RFX3: variants seen among roughly 807,000 people sequenced by gnomAD.
The protein encoded by RFX3 is transcription factor RFX3.
Under a neutral mutation model 98.6 loss-of-function variants are expected in RFX3, and 14 were observed. The observed-to-expected ratio is 0.14, with a 90% CI of 0.09 to 0.22. The LOEUF (loss-of-function observed/expected upper bound fraction) is 0.22. Among genes scored for constraint, RFX3 ranks in the 10% least tolerant of loss-of-function variants. The probability of loss-of-function intolerance (pLI) is 1.00; values close to 1 mark genes in which losing one functional copy is unlikely to be tolerated. For missense variants in RFX3, 639 were observed against 926.9 expected (o/e 0.69, Z 4.03); for synonymous variants, 383 against 328.4 (o/e 1.17, Z -1.80).
chr9:3,232,070 G>GCAAA (rs1818544870), intron 15 of RFX3, among the ~76,000 whole-genome samples: 1 of 105,748 alleles, frequency 9.5e-6, no homozygotes, highest in South Asian at 2.9e-4. Context: ...AAGCAAGCAA[G>GCAAA]CAAACAAACA....
chr9:3,337,944 A>G (rs1266395460), intron 3 of RFX3, among the ~76,000 whole-genome samples: 1 of 152,218 alleles, frequency 6.6e-6, no homozygotes. Flanking sequence ...GTGCATATAT[A>G]TATGTAAAAT....
chr9:3,301,695 G>T, intron 4 of RFX3, 75 bp from the exon 5 acceptor site: 2 of 1,083,434 alleles, frequency 1.8e-6, no homozygotes, highest in South Asian at 1.5e-5. Flanking sequence ...ATTTCTGATA[G>T]ATTCTTTAAA....
intron 9 of RFX3, among the ~76,000 whole-genome samples, chr9:3,272,639 A>G (rs1824649478): frequency 6.6e-6 from 1 of 152,152 alleles, no homozygotes; most frequent in Non-Finnish European, 1.5e-5. Context: ...TGCTTTCTCA[A>G]TTGTAGCTTA....
chr9:3,334,655 A>G (rs547440729), intron 3 of RFX3, among the ~76,000 whole-genome samples: 3 of 152,304 alleles, frequency 2.0e-5, no homozygotes, highest in African/African-American at 7.2e-5. Context: ...GCTACTCTAT[A>G]AACACACACT....
chr9:3,496,272 T>C (rs963297330), intron 1 of RFX3, among the ~76,000 whole-genome samples: 5 of 152,142 alleles, frequency 3.3e-5, no homozygotes, highest in African/African-American at 1.2e-4. Context: ...AAGTATTTCA[T>C]CTCTTAGTGC....
intron 15 of RFX3, among the ~76,000 whole-genome samples, chr9:3,236,642 G>A (rs1397549151): frequency 1.3e-5 from 2 of 152,156 alleles, no homozygotes; most frequent in African/African-American, 2.4e-5. Flanking sequence ...GTTATCAGAT[G>A]GCGGAAGTGA....
intron 9 of RFX3, among the ~76,000 whole-genome samples, chr9:3,273,635 G>T (rs1345235209): frequency 3.3e-5 from 5 of 152,040 alleles, no homozygotes; most frequent in African/African-American, 1.2e-4. Flanking sequence ...AGGCTGAAGC[G>T]GGTGGATCAC....
Position 3,481,486 on chromosome 9 carries a change from TA to T in RFX3, c.-9+44260del, listed in dbSNP as rs904463244. Among the ~76,000 whole-genome samples, 180 of 149,062 alleles carry T rather than the reference TA, an allele frequency of 1.2e-3. 1 individual carries two copies. The highest frequency in any genetic ancestry group is 4.9e-3 in the Admixed American group (74 of 14,986). On this transcript the variant is annotated intron_variant, in intron 1 of 16. Coordinates refer to ENST00000617270, the MANE Select transcript of RFX3 (RefSeq NM_001282116.2). ...TTTCCCATCTGAAAAGTACATTTTT[TA>T]AAAAAAAAAATCTAATATTTAACCT...
chr9:3,366,808 T>C (rs990532861), intron 2 of RFX3, among the ~76,000 whole-genome samples: 7 of 151,192 alleles, frequency 4.6e-5, no homozygotes, highest in Non-Finnish European at 8.8e-5. Context: ...TTGGATTGCA[T>C]TGAAATCATG....
chr9:3,252,604 T>A (rs554712223), intron 14 of RFX3, among the ~76,000 whole-genome samples: 1 of 152,118 alleles, frequency 6.6e-6, no homozygotes. Context: ...GCTAATGTGG[T>A]AGGAAGGCAG....
intron 2 of RFX3, among the ~76,000 whole-genome samples, chr9:3,380,345 T>C (rs1839048549): frequency 6.6e-6 from 1 of 152,154 alleles, no homozygotes; most frequent in African/African-American, 2.4e-5. Context: ...CTGACTCACC[T>C]CTTTGCTCCC....
At chr9:3,481,092 G>T (rs186446362) in intron 1 of RFX3, among the ~76,000 whole-genome samples, 1 of 152,160 alleles carries the variant, frequency 6.6e-6, no homozygotes, top group Admixed American at 6.5e-5. Flanking sequence ...TTATATGTCA[G>T]GTGCTGTTGG....
chr9:3,238,724 T>C (rs1819510792), intron 15 of RFX3, among the ~76,000 whole-genome samples: 1 of 152,168 alleles, frequency 6.6e-6, no homozygotes, highest in African/African-American at 2.4e-5. Context: ...TTCAATTCTA[T>C]TAACGTTACT....
intron 1 of RFX3, among the ~76,000 whole-genome samples, chr9:3,428,393 C>A (rs750409960): frequency 1.3e-5 from 2 of 152,108 alleles, no homozygotes; most frequent in East Asian, 3.9e-4. Context: ...GATGATGGAA[C>A]ACTTTGAAAG....
chr9:3,228,706 A>C (rs1818088253), intron 16 of RFX3, 141 bp downstream of exon 16: 3 of 595,576 alleles, frequency 5.0e-6, no homozygotes, highest in Non-Finnish European at 5.7e-6. Context: ...AATAATGAAA[A>C]GACAGGAGTT....
In RFX3 at chr9:3,525,938, G is replaced by A. The variant is rs1248436395; in HGVS notation, c.-200C>T. On this transcript the variant is annotated 5_prime_UTR_variant, in exon 1 of 17. Coordinates refer to ENST00000617270, the MANE Select transcript of RFX3 (RefSeq NM_001282116.2). ...CTATAACTCACAAAAGAGAGAGAGA[G>A]AGGGAGAGAGAGAGAGAGCGAGAGG... is the stretch of plus-strand genomic sequence containing the variant. 21 of 922,610 alleles carry A rather than the reference G, an allele frequency of 2.3e-5. No individual in the cohort carries two copies. In the Admixed American group the frequency reaches 1.1e-3, roughly 50 times the overall value. The allele number at this position is 922,610 out of a possible 1,614,324, so 57.2% of individuals were successfully genotyped here. A position where few individuals can be genotyped will look rare whatever the true frequency, so the allele number is the denominator to read the frequency against.
chr9:3,402,453 C>G (rs1339631435), intron 1 of RFX3, among the ~76,000 whole-genome samples: 1 of 151,994 alleles, frequency 6.6e-6, no homozygotes, highest in Non-Finnish European at 1.5e-5. Flanking sequence ...ATGATAGTTA[C>G]TTAATGGGTA....
chr9:3,246,808 G>C (rs910596613), intron 15 of RFX3, among the ~76,000 whole-genome samples: 4 of 152,064 alleles, frequency 2.6e-5, no homozygotes, highest in African/African-American at 9.7e-5. Context: ...ACATATATTT[G>C]GCATCATTTA....
intron 7 of RFX3, among the ~76,000 whole-genome samples, chr9:3,287,494 C>G (rs571480961): frequency 3.9e-5 from 6 of 152,028 alleles, no homozygotes; most frequent in Admixed American, 6.6e-5. Flanking sequence ...CTCTCTGGGA[C>G]TCATCTGAAA....
Sources: gnomAD v4.1 joint callset for allele counts (sites outside exome capture counted in the v4.1 genomes callset) on GRCh38, gnomAD v4.1.1 for gene constraint, MANE v1.5 for transcripts, NCBI Gene and HGNC (gene_info 2026-07-23, HGNC 2026-07-21) for gene names.